TMEM131L: variants seen among roughly 807,000 people sequenced by gnomAD.
TMEM131L encodes the protein transmembrane protein 131-like.
A neutral mutation model predicts 192.2 loss-of-function variants in TMEM131L; 54 were observed. The ratio of observed to expected loss-of-function variants is 0.28; its 90% CI spans 0.23 to 0.35. The LOEUF (loss-of-function observed/expected upper bound fraction) is 0.35, where lower values mean the gene tolerates loss of function less well. Ranked by LOEUF, TMEM131L falls within the 10% of genes least tolerant of loss-of-function variation. The probability of loss-of-function intolerance (pLI) is 1.00; values close to 1 mark genes in which losing one functional copy is unlikely to be tolerated. For synonymous variants in TMEM131L, 701 were observed against 704.9 expected, an observed-to-expected ratio of 0.99 and a Z score of 0.09; for missense variants, 1,888 against 1,972.9, an observed-to-expected ratio of 0.96 and a Z score of 0.82.
intron 7 of TMEM131L, among the ~76,000 whole-genome samples, chr4:153,568,161 G>A (rs1414134059): frequency 6.6e-6 from 1 of 152,180 alleles, no homozygotes; most frequent in African/African-American, 2.4e-5. Context: ...AAGTGAGAAT[G>A]CTTCTGTGGA....
chr4:153,553,795 A>G (rs1487630048), intron 4 of TMEM131L, among the ~76,000 whole-genome samples: 1 of 152,226 alleles, frequency 6.6e-6, no homozygotes, highest in East Asian at 1.9e-4. Context: ...AAAAGTGCTA[A>G]TCATTCATAG....
intron 21 of TMEM131L, among the ~76,000 whole-genome samples, chr4:153,598,959 G>C (rs1005932244): frequency 2.6e-5 from 4 of 152,144 alleles, no homozygotes; most frequent in African/African-American, 9.7e-5. Context: ...ACTCAACTTA[G>C]ATAATAGACA....
intron 7 of TMEM131L, among the ~76,000 whole-genome samples, chr4:153,579,063 A>G (rs189532931): frequency 3.5e-4 from 53 of 152,306 alleles, no homozygotes; most frequent in Non-Finnish European, 6.9e-4. Flanking sequence ...AGACAAATTT[A>G]AAAATCTAGT....
chr4:153,624,128 ATTT>A (rs147130615), intron 29 of TMEM131L, among the ~76,000 whole-genome samples: 1 of 117,286 alleles, frequency 8.5e-6, no homozygotes, highest in Non-Finnish European at 1.9e-5. Flanking sequence ...TTAATTATTT[ATTT>A]TTTTTTTGAG....
intron 17 of TMEM131L, 113 bp downstream of exon 17, chr4:153,591,307 G>A: frequency 4.2e-6 from 4 of 963,764 alleles, no homozygotes; most frequent in South Asian, 4.9e-5. Flanking sequence ...AAATTAAGGC[G>A]ATGTCAAAAG....
At chr4:153,624,642 T>C (rs1017969473) in intron 29 of TMEM131L, among the ~76,000 whole-genome samples, 14 of 152,204 alleles carry the variant, frequency 9.2e-5, no homozygotes, top group African/African-American at 3.1e-4. Context: ...CTCACTGTCA[T>C]CTGAAGACTC....
intron 3 of TMEM131L, among the ~76,000 whole-genome samples, chr4:153,528,367 A>C (rs75182874): frequency 0.014 from 2,134 of 152,310 alleles, 60 homozygotes; most frequent in African/African-American, 0.049. Flanking sequence ...GAAGTGGGAA[A>C]ACTGTGACAT....
chr4:153,527,282 G>GC (rs1735560941), intron 3 of TMEM131L, among the ~76,000 whole-genome samples: 1 of 110,704 alleles, frequency 9.0e-6, no homozygotes, highest in South Asian at 2.7e-4. Flanking sequence ...TTTTCTTTGT[G>GC]GGGGGGCGGT....
intron 25 of TMEM131L, among the ~76,000 whole-genome samples, chr4:153,605,168 G>C (rs1378367541): frequency 6.6e-6 from 1 of 152,182 alleles, no homozygotes; most frequent in Non-Finnish European, 1.5e-5. Flanking sequence ...GTTAAAAGAA[G>C]ACAGATGTTC....
At chr4:153,583,389 C>A in intron 10 of TMEM131L, 141 bp downstream of exon 10, 2 of 754,134 alleles carry the variant, frequency 2.7e-6, no homozygotes, top group South Asian at 1.5e-5. Flanking sequence ...TTTGCCCTTG[C>A]TTGAACCTCT....
intron 3 of TMEM131L, among the ~76,000 whole-genome samples, chr4:153,525,700 C>G (rs1387832649): frequency 6.6e-6 from 1 of 152,038 alleles, no homozygotes; most frequent in Non-Finnish European, 1.5e-5. Context: ...CTAACTGATT[C>G]TTCTCATTTG....
At chr4:153,467,873 A>G (rs1386851264) in intron 2 of TMEM131L, among the ~76,000 whole-genome samples, 5 of 152,210 alleles carry the variant, frequency 3.3e-5, no homozygotes, top group Non-Finnish European at 5.9e-5. Flanking sequence ...CTGTAGCATC[A>G]TAGAGGGTTT....
rs1425478650 is a variant in TMEM131L, at chr4:153,604,172, C to T, written c.3160C>T (p.Leu1054=). The change falls in exon 25 of 35, where the codon CTG becomes TTG. Residue 1054 remains leucine, a synonymous_variant. Coordinates refer to ENST00000409959, the MANE Select transcript of TMEM131L (RefSeq NM_001131007.2). ...GAATTTAACCCTTCCCAAAAACTTA[C>T]TGAATAAAGAAGAAAACACACTGAA... ...QKNLTLPKNL[L]NKEENTLKNT... is the part of the protein sequence containing the mutation. 3.7e-6 allele frequency: 6 copies of T among 1,614,104 alleles called. No homozygotes were observed. Among genetic ancestry groups the T allele is most frequent in the Middle Eastern group, 1.6e-4 (1 of 6,062 alleles).
intron 3 of TMEM131L, among the ~76,000 whole-genome samples, chr4:153,490,673 C>T (rs1351063176): frequency 2.0e-5 from 3 of 151,918 alleles, no homozygotes; most frequent in East Asian, 3.9e-4. Flanking sequence ...AAAAAATGAG[C>T]GGCCGGGCGT....
At chr4:153,524,270 T>C (rs1735326246) in intron 3 of TMEM131L, among the ~76,000 whole-genome samples, 1 of 152,146 alleles carries the variant, frequency 6.6e-6, no homozygotes, top group Admixed American at 6.5e-5. Context: ...AGGACTCTGA[T>C]GGACCTGCCC....
Position 153,635,366 on chromosome 4 carries a change from TGA to T in TMEM131L, c.4418-62_4418-61del, listed in dbSNP as rs1285453500. On this transcript the variant is annotated intron_variant, in intron 33 of 34. Coordinates refer to ENST00000409959, the MANE Select transcript of TMEM131L (RefSeq NM_001131007.2). ...GTGAGACCTTGAAAGCTTTTTTGCCTGAGAGTGAGAATTCAGTTCTCAATGAA... is the reference window on the plus strand; with the variant it reads ...GTGAGACCTTGAAAGCTTTTTTGCCTGAGTGAGAATTCAGTTCTCAATGAA... 2.6e-6 allele frequency: 4 copies of T among 1,524,634 alleles called. No homozygotes were observed. The African/African-American group carries it at 4.1e-5, about 16-fold the overall frequency. The allele number at this position is 1,524,634 out of a possible 1,614,324, so 94.4% of individuals were successfully genotyped here.
chr4:153,499,952 A>ATT (rs57387097), intron 3 of TMEM131L, among the ~76,000 whole-genome samples: 2 of 149,196 alleles, frequency 1.3e-5, no homozygotes, highest in African/African-American at 2.5e-5. Context: ...TTTTACCTAA[A>ATT]TTTTTTTTTT....
intron 33 of TMEM131L, 169 bp downstream of exon 33, chr4:153,634,449 A>G (rs1578917817): frequency 1.6e-5 from 9 of 547,178 alleles, no homozygotes; most frequent in East Asian, 1.5e-4. Flanking sequence ...CTGATGCCAT[A>G]TATAATTTTA....
chr4:153,623,820 G>A (rs1451693775), intron 29 of TMEM131L, among the ~76,000 whole-genome samples: 1 of 151,960 alleles, frequency 6.6e-6, no homozygotes, highest in African/African-American at 2.4e-5. Flanking sequence ...GTTTGAGAAA[G>A]TTAAAGATGT....
Sources: gnomAD v4.1 joint callset for allele counts (sites outside exome capture counted in the v4.1 genomes callset) on GRCh38, gnomAD v4.1.1 for gene constraint, MANE v1.5 for transcripts, NCBI Gene and HGNC (gene_info 2026-07-23, HGNC 2026-07-21) for gene names.